Variants in MICU3 observed in about 807,000 individuals in gnomAD.
MICU3 encodes the protein calcium uptake protein 3, mitochondrial.
In MICU3, 62 loss-of-function variants were observed where a neutral mutation model predicts 66.5. That is an observed-to-expected ratio of 0.93 (90% CI 0.76 to 1.15). The LOEUF is 1.15. Among genes scored for constraint, MICU3 ranks in the 50% most tolerant of loss-of-function variants. MICU3 has a pLI of 0.00. For synonymous variants in MICU3, 308 were observed against 240.7 expected (o/e 1.28, Z -2.59); for missense variants, 779 against 664.4 (o/e 1.17, Z -1.90).
chr8:17,126,900 A>G (rs1803418180), downstream of MICU3, among the ~76,000 whole-genome samples: 1 of 152,166 alleles, frequency 6.6e-6, no homozygotes, highest in Admixed American at 6.5e-5. Context: ...AAAGGTAAAG[A>G]TGGCAGCTAC....
At chr8:17,061,504 A>G (rs539436874) in intron 1 of MICU3, among the ~76,000 whole-genome samples, 9 of 152,148 alleles carry the variant, frequency 5.9e-5, no homozygotes, top group Non-Finnish European at 1.0e-4. Flanking sequence ...CAGTAGTAGC[A>G]CCAGGTAGAG....
At chr8:17,086,148 T>G (rs1799446200) in intron 6 of MICU3, among the ~76,000 whole-genome samples, 1 of 152,122 alleles carries the variant, frequency 6.6e-6, no homozygotes. Flanking sequence ...TGGCCCTACC[T>G]CCTGAACAGC....
At chr8:17,049,510 GTATT>G (rs1389600586) in intron 1 of MICU3, 27 of 494,690 alleles carry the variant, frequency 5.5e-5, no homozygotes, top group Admixed American at 5.1e-4. Context: ...TGTGGGCTTA[GTATT>G]TATTTGTCCA....
intron 1 of MICU3, among the ~76,000 whole-genome samples, chr8:17,055,553 C>G (rs1585255056): frequency 6.6e-6 from 1 of 152,326 alleles, no homozygotes; most frequent in East Asian, 1.9e-4. Context: ...GGTTGTGTGA[C>G]TTAAGTTCTC....
At chr8:17,108,065 G>T (rs138966753) in intron 11 of MICU3, among the ~76,000 whole-genome samples, 2 of 152,086 alleles carry the variant, frequency 1.3e-5, no homozygotes, top group Non-Finnish European at 2.9e-5. Context: ...GTACCTGTTC[G>T]TGGATATTTC....
intron 2 of MICU3, among the ~76,000 whole-genome samples, chr8:17,065,552 G>A (rs1023190130): frequency 6.6e-6 from 1 of 152,130 alleles, no homozygotes; most frequent in African/African-American, 2.4e-5. Flanking sequence ...ATGAGAAAAG[G>A]GGACATAGGA....
chr8:17,091,542 G>A (rs996691629), intron 8 of MICU3, among the ~76,000 whole-genome samples: 4 of 151,964 alleles, frequency 2.6e-5, no homozygotes, highest in Non-Finnish European at 5.9e-5. Context: ...AACTAATTCT[G>A]TTACAGATTT....
chr8:17,116,985 T>G (rs1040820232), intron 13 of MICU3, among the ~76,000 whole-genome samples: 3 of 152,120 alleles, frequency 2.0e-5, no homozygotes, highest in Non-Finnish European at 2.9e-5. Context: ...TTAATTTTAT[T>G]TATTCTTTTA....
chr8:17,057,313 G>A (rs1159531633), intron 1 of MICU3, among the ~76,000 whole-genome samples: 1 of 152,126 alleles, frequency 6.6e-6, no homozygotes, highest in Non-Finnish European at 1.5e-5. Context: ...GGATGGGTTG[G>A]TTCTAAGGAT....
At chr8:17,072,051 A>T (rs1819666705) in intron 3 of MICU3, among the ~76,000 whole-genome samples, 1 of 152,132 alleles carries the variant, frequency 6.6e-6, no homozygotes, top group African/African-American at 2.4e-5. Context: ...ATTAATCTGG[A>T]TGAGTAAGGG....
chr8:17,124,685 T>A (rs1040666618), downstream of MICU3, among the ~76,000 whole-genome samples: 1 of 151,880 alleles, frequency 6.6e-6, no homozygotes, highest in African/African-American at 2.4e-5. Context: ...GCACAGTAAG[T>A]AAATTTTGAG....
chr8:17,123,762 AAGT>A (rs1297256989), downstream of MICU3, among the ~76,000 whole-genome samples: 1 of 152,044 alleles, frequency 6.6e-6, no homozygotes, highest in Non-Finnish European at 1.5e-5. Context: ...TAACTGAAAA[AAGT>A]AGGAGGTCCA....
chr8:17,131,121 G>T, the MICU3 span: 8 of 152,110 alleles, frequency 5.3e-5, no homozygotes, highest in Admixed American at 5.2e-4. Context: ...ATTTAAACAA[G>T]GAAATTTTAA....
intron 3 of MICU3, among the ~76,000 whole-genome samples, chr8:17,071,841 C>T (rs1447870935): frequency 6.6e-6 from 1 of 151,934 alleles, no homozygotes; most frequent in Non-Finnish European, 1.5e-5. Context: ...CTATTAGGTA[C>T]TTAAAAGCAA....
chr8:17,109,076 A>G (rs941376787), intron 11 of MICU3, among the ~76,000 whole-genome samples: 4 of 152,124 alleles, frequency 2.6e-5, no homozygotes, highest in Admixed American at 6.6e-5. Context: ...ATAATAGCCT[A>G]TTATATGAAT....
intron 4 of MICU3, 132 bp from the exon 5 acceptor site, chr8:17,081,561 T>G (rs1003496562): frequency 5.7e-6 from 2 of 350,166 alleles, no homozygotes; most frequent in Admixed American, 9.8e-5. Context: ...TCTTTTGTTA[T>G]GATTTTATAA....
intron 2 of MICU3, among the ~76,000 whole-genome samples, chr8:17,067,973 C>G (rs993586541): frequency 2.6e-5 from 4 of 151,970 alleles, no homozygotes; most frequent in African/African-American, 9.7e-5. Flanking sequence ...TTAAATAGAA[C>G]CTAAATGGTG....
chr8:17,035,798 A>G (rs1158917142), intron 1 of MICU3, among the ~76,000 whole-genome samples: 1 of 152,236 alleles, frequency 6.6e-6, no homozygotes, highest in Non-Finnish European at 1.5e-5. Context: ...GTGATAGAAA[A>G]GAAAACCCCA....
intron 1 of MICU3, among the ~76,000 whole-genome samples, chr8:17,029,966 GT>G (rs1046311287): frequency 2.4e-4 from 37 of 151,892 alleles, no homozygotes; most frequent in Non-Finnish European, 2.9e-5. Flanking sequence ...CTGTTTATTT[GT>G]TTTTATAGCA....
Sources: gnomAD v4.1 joint callset for allele counts (sites outside exome capture counted in the v4.1 genomes callset) on GRCh38, gnomAD v4.1.1 for gene constraint, MANE v1.5 for transcripts, NCBI Gene and HGNC (gene_info 2026-07-23, HGNC 2026-07-21) for gene names.